The following ZNF644 variants were observed in gnomAD, a reference collection of about 807,000 sequenced individuals.
ZNF644 encodes zinc finger protein 644.
ZNF644 carries 20 observed loss-of-function variants against 108.0 expected under a neutral mutation model. The observed-to-expected ratio is 0.19, with a 90% CI of 0.13 to 0.27. The LOEUF is 0.27. Ranked by LOEUF, ZNF644 falls within the 10% of genes least tolerant of loss-of-function variation. The pLI is 1.00. For synonymous variants in ZNF644, 542 were observed against 539.1 expected, an observed-to-expected ratio of 1.01 and a Z score of -0.08; for missense variants, 1,338 against 1,548.9, an observed-to-expected ratio of 0.86 and a Z score of 2.29.
intron 2 of ZNF644, among the ~76,000 whole-genome samples, chr1:90,947,682 G>C (rs778513311): frequency 2.0e-5 from 3 of 152,052 alleles, no homozygotes; most frequent in Non-Finnish European, 4.4e-5. Context: ...AGTGTTCAAA[G>C]TCCTAGGAAT....
At chr1:90,931,024 C>G (rs945769038) in intron 4 of ZNF644, among the ~76,000 whole-genome samples, 1 of 151,916 alleles carries the variant, frequency 6.6e-6, no homozygotes, top group African/African-American at 2.4e-5. Context: ...TTTTAATAAC[C>G]AGGATGATTA....
At chr1:90,988,768 C>T (rs767801228) in intron 1 of ZNF644, among the ~76,000 whole-genome samples, 21 of 152,030 alleles carry the variant, frequency 1.4e-4, no homozygotes, top group Non-Finnish European at 2.6e-4. Flanking sequence ...GACAAGGGGG[C>T]CAATACTATA....
At chr1:90,994,236 C>T (rs1227954304) in intron 1 of ZNF644, among the ~76,000 whole-genome samples, 2 of 152,152 alleles carry the variant, frequency 1.3e-5, no homozygotes, top group African/African-American at 4.8e-5. Flanking sequence ...GATGAAATTA[C>T]TATGGAAGAA....
intron 4 of ZNF644, among the ~76,000 whole-genome samples, chr1:90,920,455 T>G (rs959590835): frequency 6.6e-6 from 1 of 151,944 alleles, no homozygotes; most frequent in Non-Finnish European, 1.5e-5. Flanking sequence ...TACAAAAGCA[T>G]TTAAATTTAC....
At chr1:90,965,512 A>C (rs1401730949) in intron 2 of ZNF644, among the ~76,000 whole-genome samples, 1 of 152,198 alleles carries the variant, frequency 6.6e-6, no homozygotes, top group African/African-American at 2.4e-5. Context: ...GGATTTCAAC[A>C]TAAGAATTTG....
intron 2 of ZNF644, among the ~76,000 whole-genome samples, chr1:90,941,865 T>C (rs1332900043): frequency 6.6e-6 from 1 of 152,190 alleles, no homozygotes; most frequent in East Asian, 1.9e-4. Context: ...ACATATTTGC[T>C]ATCAACATCA....
chr1:90,982,998 T>C (rs1409655043), intron 1 of ZNF644, among the ~76,000 whole-genome samples: 1 of 152,052 alleles, frequency 6.6e-6, no homozygotes, highest in Non-Finnish European at 1.5e-5. Flanking sequence ...CCACTGAACA[T>C]GCATTTGCCA....
At chr1:90,963,302 T>C (rs946051963) in intron 2 of ZNF644, among the ~76,000 whole-genome samples, 2 of 152,126 alleles carry the variant, frequency 1.3e-5, no homozygotes, top group African/African-American at 4.8e-5. Context: ...GAAATGCATC[T>C]TTCAGAAGAC....
rs374033615 is a variant in ZNF644, at chr1:90,938,080, C to A, written c.3093G>T (p.Lys1031Asn). The A allele has an allele frequency of 8.4e-5, 135 of 1,610,808 alleles. No homozygotes were observed. Among genetic ancestry groups the A allele is most frequent in the Non-Finnish European group, 1.1e-4 (132 of 1,179,754 alleles). Residue 1031 changes from lysine (K) to asparagine (N), a missense_variant, in exon 4 of 6, where the codon AAG (lysine) becomes AAT (asparagine). Physicochemically the swap from Lys to Asn is moderately conservative, Grantham distance 94. Transcript: ENST00000337393. The surrounding 1 kb of genome is among the most constrained non-coding windows in gnomAD (Gnocchi z 4.2). The stretch of plus-strand genomic sequence containing the variant: ...AAGTGTGTTCAGAAGTGGTTTCAGA[C>A]TTCTCTATAGCTAGAAAAAAATTTT... ...PVKRVRKAIE[K>N]SETTSEHTCQ...
intron 1 of ZNF644, among the ~76,000 whole-genome samples, chr1:90,995,130 T>G (rs758549093): frequency 1.3e-5 from 2 of 152,152 alleles, no homozygotes; most frequent in African/African-American, 2.4e-5. Flanking sequence ...ATTCTGAGTC[T>G]ACCTGAATTA....
intron 1 of ZNF644, among the ~76,000 whole-genome samples, chr1:91,019,877 T>C (rs1277538305): frequency 6.6e-6 from 1 of 152,218 alleles, no homozygotes; most frequent in African/African-American, 2.4e-5. Flanking sequence ...TATGAAAGTT[T>C]TTAACTTATT....
At chr1:90,976,504 T>C (rs1012243822) in intron 2 of ZNF644, among the ~76,000 whole-genome samples, 1 of 152,248 alleles carries the variant, frequency 6.6e-6, no homozygotes, top group Non-Finnish European at 1.5e-5. Context: ...CAAAATTCTT[T>C]GGTCTGAAGG....
rs185246431 is a variant in ZNF644 at position 90,922,628 on chromosome 1, G to C, written c.3689-4474C>G. Among the ~76,000 whole-genome samples, 8 of 152,176 alleles carry C rather than the reference G, an allele frequency of 5.3e-5. No individual in the cohort carries two copies. The East Asian group carries it at 1.5e-3, about 29-fold the overall frequency. On this transcript the variant is annotated intron_variant, in intron 4 of 5. Coordinates refer to ENST00000337393, the MANE Select transcript of ZNF644 (RefSeq NM_201269.3). ...TTTTAACTTCAGGGGTACACGTGCA[G>C]GTTTGTTATATAGGTAAATTGTCAC... is the stretch of plus-strand genomic sequence containing the variant.
At chr1:90,928,805 C>G (rs1443373282) in intron 4 of ZNF644, among the ~76,000 whole-genome samples, 1 of 152,178 alleles carries the variant, frequency 6.6e-6, no homozygotes, top group Non-Finnish European at 1.5e-5. Context: ...TGTGTCCACA[C>G]TATGTTCTTC....
chr1:90,964,358 G>A (rs1019020072), intron 2 of ZNF644, among the ~76,000 whole-genome samples: 2 of 152,068 alleles, frequency 1.3e-5, no homozygotes, highest in Non-Finnish European at 2.9e-5. Context: ...AGACAAAGAA[G>A]GGGATTAAGA....
intron 2 of ZNF644, among the ~76,000 whole-genome samples, chr1:90,953,518 T>C (rs991169461): frequency 1.3e-5 from 2 of 151,764 alleles, no homozygotes; most frequent in Non-Finnish European, 2.9e-5. Flanking sequence ...ATCCTGCACA[T>C]GTACCCTGGA....
chr1:90,963,933 T>C (rs1278099664), intron 2 of ZNF644, among the ~76,000 whole-genome samples: 1 of 152,108 alleles, frequency 6.6e-6, no homozygotes, highest in Non-Finnish European at 1.5e-5. Flanking sequence ...TTTAAATTTT[T>C]AAAAAGACAC....
At position 90,938,552 on chromosome 1, in the gene ZNF644, A is replaced by G; in HGVS notation, c.2802T>C (p.His934=). ...CTGCAGTTTCTAAATGCTGAGGATCATGTATCTCATGCAAAAAGTTGTTAC... is the reference window on the plus strand; with the variant it reads ...CTGCAGTTTCTAAATGCTGAGGATCGTGTATCTCATGCAAAAAGTTGTTAC... ...TGSNNFLHEI[H]DPQHLETADA... The change falls in exon 3 of 6, where the codon CAT becomes CAC. Residue 934 remains histidine (H), a synonymous_variant. Coordinates refer to ENST00000337393, the MANE Select transcript of ZNF644 (RefSeq NM_201269.3). The surrounding 1 kb of genome is among the most constrained non-coding windows in gnomAD (Gnocchi z 4.2). The G allele has an allele frequency of 1.9e-6, 3 of 1,613,942 alleles. No individual in the cohort carries two copies. The highest frequency in any genetic ancestry group is 1.1e-5 in the South Asian group (1 of 91,060).
At position 90,917,006 on chromosome 1, in the gene ZNF644, A is replaced by C. The variant is rs1011095870; in HGVS notation, c.3792-16T>G. ...GCCACAAAACCTACAGAAAGATAACAATTCTCTTAACATGACCAATTCTCT... is the reference window on the plus strand; with the variant it reads ...GCCACAAAACCTACAGAAAGATAACCATTCTCTTAACATGACCAATTCTCT... On this transcript the variant is annotated splice_polypyrimidine_tract_variant and intron_variant, in intron 5 of 5. Coordinates refer to ENST00000337393, the MANE Select transcript of ZNF644 (RefSeq NM_201269.3). The C allele has an allele frequency of 6.2e-7, 1 of 1,613,532 alleles. No homozygotes were observed. Among genetic ancestry groups the C allele is most frequent in the African/African-American group, 1.3e-5 (1 of 74,932 alleles).
Sources: gnomAD v4.1 joint callset for allele counts (sites outside exome capture counted in the v4.1 genomes callset) on GRCh38, gnomAD v4.1.1 for gene constraint, Gnocchi (gnomAD v3.1) non-coding constraint, MANE v1.5 for transcripts, NCBI Gene and HGNC (gene_info 2026-07-23, HGNC 2026-07-21) for gene names.